AAMDC: variants seen among roughly 807,000 people sequenced by gnomAD.
AAMDC encodes adipogenesis associated Mth938 domain containing, also known as mth938 domain-containing protein.
AAMDC carries 16 observed loss-of-function variants against 15.5 expected under a neutral mutation model. That is an observed-to-expected ratio of 1.03 (90% CI 0.70 to 1.57). AAMDC has a LOEUF of 1.57. AAMDC is among the 40% of genes most tolerant of loss of function. The probability of loss-of-function intolerance (pLI) is 0.00; values close to 1 mark genes in which losing one functional copy is unlikely to be tolerated. For missense variants in AAMDC, 141 were observed against 144.9 expected (o/e 0.97, Z 0.14); for synonymous variants, 51 against 51.6 (o/e 0.99, Z 0.05).
chr11:77,895,787 G>A (rs1591023072), intron 5 of AAMDC, among the ~76,000 whole-genome samples: 1 of 152,012 alleles, frequency 6.6e-6, no homozygotes, highest in East Asian at 1.9e-4. Flanking sequence ...AATACAAAAA[G>A]ATTTGGGAAC....
At chr11:77,875,804 G>A (rs966705931), downstream of AAMDC, among the ~76,000 whole-genome samples, 9 of 152,166 alleles carry the variant, frequency 5.9e-5, no homozygotes, top group Non-Finnish European at 1.0e-4. Flanking sequence ...AGAACCACAG[G>A]AGACAGTCTG....
chr11:77,863,886 C>G (rs892224489), intron 2 of AAMDC, among the ~76,000 whole-genome samples: 2 of 151,970 alleles, frequency 1.3e-5, no homozygotes, highest in Non-Finnish European at 2.9e-5. Flanking sequence ...TTAAAGTCAG[C>G]AATTATGATA....
At chr11:77,901,496 T>A, downstream of AAMDC, 1 of 1,612,352 alleles carries the variant, frequency 6.2e-7, no homozygotes, top group Admixed American at 1.7e-5. Flanking sequence ...AATCACCACC[T>A]GCTTATTCTC....
downstream of AAMDC, among the ~76,000 whole-genome samples, chr11:77,905,417 G>A (rs1446290523): frequency 3.3e-5 from 5 of 151,114 alleles, no homozygotes; most frequent in Non-Finnish European, 5.9e-5. Context: ...CCGAGATCAC[G>A]CCACTGTATT....
downstream of AAMDC, chr11:77,876,946 C>A (rs932019907): frequency 2.8e-6 from 2 of 702,932 alleles, no homozygotes; most frequent in Non-Finnish European, 5.2e-6. Context: ...ATGTTTTTGT[C>A]TAGGCTCCAA....
intron 5 of AAMDC, among the ~76,000 whole-genome samples, chr11:77,892,154 T>C (rs1342111289): frequency 3.3e-5 from 5 of 152,224 alleles, no homozygotes; most frequent in Non-Finnish European, 5.9e-5. Context: ...TTAATTATTT[T>C]AACAAATACA....
intron 3 of AAMDC, among the ~76,000 whole-genome samples, chr11:77,871,734 A>G (rs1951440249): frequency 6.6e-6 from 1 of 152,258 alleles, no homozygotes; most frequent in South Asian, 2.1e-4. Context: ...AGTTTAGACT[A>G]ACTCAAACAT....
chr11:77,872,668 C>A (rs540559247), downstream of AAMDC, among the ~76,000 whole-genome samples: 2 of 152,280 alleles, frequency 1.3e-5, no homozygotes, highest in African/African-American at 4.8e-5. Flanking sequence ...CAACTATAGG[C>A]CAGGCGCCAT....
chr11:77,898,724 G>T (rs1952640072), intron 5 of AAMDC, among the ~76,000 whole-genome samples: 1 of 152,204 alleles, frequency 6.6e-6, no homozygotes, highest in African/African-American at 2.4e-5. Flanking sequence ...TAAAGGCTTT[G>T]CATACAATAA....
chr11:77,880,548 C>A (rs1951752916), intron 5 of AAMDC, among the ~76,000 whole-genome samples: 1 of 152,194 alleles, frequency 6.6e-6, no homozygotes, highest in Non-Finnish European at 1.5e-5. Flanking sequence ...ATGAATCTCC[C>A]ACTTAGGGTG....
chr11:77,889,060 T>G (rs1296192493), intron 5 of AAMDC, among the ~76,000 whole-genome samples: 1 of 152,162 alleles, frequency 6.6e-6, no homozygotes, highest in Non-Finnish European at 1.5e-5. Context: ...TTTGACCCAG[T>G]CATCGCATTA....
At chr11:77,899,353 A>T (rs1354289817) in intron 5 of AAMDC, among the ~76,000 whole-genome samples, 1 of 152,124 alleles carries the variant, frequency 6.6e-6, no homozygotes, top group Non-Finnish European at 1.5e-5. Flanking sequence ...AAAGAAAAAA[A>T]AGAAAAAAGC....
intron 5 of AAMDC, among the ~76,000 whole-genome samples, chr11:77,899,313 A>T (rs1204969249): frequency 6.6e-6 from 1 of 152,112 alleles, no homozygotes; most frequent in East Asian, 1.9e-4. Context: ...CCCCTGGAGG[A>T]AAAAAGAAAA....
chr11:77,831,792 T>A (rs1949438525), intron 1 of AAMDC: 1 of 151,894 alleles, frequency 6.6e-6, no homozygotes. Context: ...GCCTCCCAGT[T>A]TCAAGTGATT....
At chr11:77,905,517 T>C (rs890222944), downstream of AAMDC, among the ~76,000 whole-genome samples, 3 of 151,618 alleles carry the variant, frequency 2.0e-5, no homozygotes, top group African/African-American at 7.3e-5. Flanking sequence ...TGCTTGGATA[T>C]CAGAAATCTG....
intron 1 of AAMDC, among the ~76,000 whole-genome samples, chr11:77,842,057 T>C (rs931231176): frequency 1.3e-5 from 2 of 152,202 alleles, no homozygotes; most frequent in African/African-American, 4.8e-5. Flanking sequence ...AATTCAGCGA[T>C]CTTCATGAAT....
intron 5 of AAMDC, chr11:77,891,694 G>A (rs1473948137): frequency 8.1e-6 from 13 of 1,611,850 alleles, no homozygotes; most frequent in South Asian, 1.1e-5. Flanking sequence ...CTCTGGAAGC[G>A]GGAGATGCAG....
At chr11:77,872,079 C>G (rs1565214639) in intron 3 of AAMDC, 96 bp from the exon 4 acceptor site, 2 of 1,326,068 alleles carry the variant, frequency 1.5e-6, no homozygotes, top group Non-Finnish European at 2.0e-6. Flanking sequence ...ACGATTGTCA[C>G]TGTCTAATTC....
intron 2 of AAMDC, among the ~76,000 whole-genome samples, chr11:77,852,980 A>G (rs1046459944): frequency 5.3e-5 from 8 of 152,206 alleles, no homozygotes; most frequent in African/African-American, 1.9e-4. Flanking sequence ...TTTTAGTACT[A>G]TAAACAATAC....
Sources: gnomAD v4.1 joint callset for allele counts (sites outside exome capture counted in the v4.1 genomes callset) on GRCh38, gnomAD v4.1.1 for gene constraint, MANE v1.5 for transcripts, NCBI Gene and HGNC (gene_info 2026-07-23, HGNC 2026-07-21) for gene names.